EXOC6B: variants seen among roughly 807,000 people sequenced by gnomAD.
The protein encoded by EXOC6B is exocyst complex component 6B.
In EXOC6B, 54 loss-of-function variants were observed where a neutral mutation model predicts 113.5. The observed-to-expected ratio is 0.48, with a 90% CI of 0.38 to 0.60. EXOC6B has a LOEUF of 0.60. Among genes scored for constraint, EXOC6B ranks in the 20% least tolerant of loss-of-function variants. The pLI, the probability that EXOC6B is intolerant of heterozygous loss-of-function variation, is 0.00. For missense variants in EXOC6B, 797 were observed against 977.5 expected (o/e 0.82, Z 2.46); for synonymous variants, 357 against 339.0 (o/e 1.05, Z -0.58).
chr2:72,414,986 C>T (rs1340932494), intron 18 of EXOC6B, among the ~76,000 whole-genome samples: 1 of 151,944 alleles, frequency 6.6e-6, no homozygotes, highest in East Asian at 1.9e-4. Flanking sequence ...AAGACTGTGC[C>T]CACTGAGTTG....
At chr2:72,653,075 T>C (rs1301838815) in intron 6 of EXOC6B, among the ~76,000 whole-genome samples, 3 of 151,972 alleles carry the variant, frequency 2.0e-5, no homozygotes, top group East Asian at 1.9e-4. Flanking sequence ...GAAAATACTA[T>C]AAATCATGCT....
chr2:72,455,253 T>C (rs1039573210), intron 18 of EXOC6B, among the ~76,000 whole-genome samples: 18 of 152,166 alleles, frequency 1.2e-4, no homozygotes, highest in African/African-American at 4.3e-4. Flanking sequence ...TGACAGAATT[T>C]CCACATAAGG....
chr2:72,714,593 G>T (rs1290501637), intron 6 of EXOC6B, among the ~76,000 whole-genome samples: 1 of 151,936 alleles, frequency 6.6e-6, no homozygotes, highest in Non-Finnish European at 1.5e-5. Context: ...AACACATACA[G>T]ATCTTAAACA....
chr2:72,214,958 GA>G (rs1680429174), intron 20 of EXOC6B, among the ~76,000 whole-genome samples: 1 of 152,180 alleles, frequency 6.6e-6, no homozygotes, highest in Non-Finnish European at 1.5e-5. Context: ...TTTTAGGGAG[GA>G]AATGCAGCAA....
At chr2:72,386,148 C>CTA (rs1213429089) in intron 18 of EXOC6B, among the ~76,000 whole-genome samples, 68 of 151,510 alleles carry the variant, frequency 4.5e-4, no homozygotes, top group African/African-American at 1.5e-3. Context: ...AAAAAATCTG[C>CTA]TATATATATA....
At chr2:72,375,593 T>C (rs1691307642) in intron 19 of EXOC6B, among the ~76,000 whole-genome samples, 5 of 152,070 alleles carry the variant, frequency 3.3e-5, no homozygotes, top group Admixed American at 3.3e-4. Flanking sequence ...ACAAAAGTAA[T>C]TTGAAAATAC....
intron 11 of EXOC6B, 114 bp from the exon 12 acceptor site, chr2:72,500,086 T>G: frequency 1.4e-6 from 1 of 701,558 alleles, no homozygotes; most frequent in Non-Finnish European, 2.5e-6. Context: ...ACCTGGTAAA[T>G]TCTTTCCCTA....
intron 1 of EXOC6B, among the ~76,000 whole-genome samples, chr2:72,762,255 A>AG (rs888329365): frequency 6.6e-6 from 1 of 151,606 alleles, no homozygotes; most frequent in Non-Finnish European, 1.5e-5. Context: ...AAAAAAAAAA[A>AG]AAAGAAAAGA....
chr2:72,571,931 G>GA (rs1308465193), intron 7 of EXOC6B, among the ~76,000 whole-genome samples: 4 of 151,750 alleles, frequency 2.6e-5, no homozygotes, highest in Non-Finnish European at 5.9e-5. Flanking sequence ...GTTATTCAAT[G>GA]AAAAAAATGT....
chr2:72,387,605 A>C (rs1231750761), intron 18 of EXOC6B, among the ~76,000 whole-genome samples: 2 of 152,138 alleles, frequency 1.3e-5, no homozygotes, highest in African/African-American at 2.4e-5. Flanking sequence ...AATTTAACCA[A>C]GTCACCTACA....
chr2:72,680,052 A>G (rs950531708), intron 6 of EXOC6B, among the ~76,000 whole-genome samples: 1 of 152,352 alleles, frequency 6.6e-6, no homozygotes, highest in East Asian at 1.9e-4. Flanking sequence ...CATTATCTCT[A>G]TAATGAATTC....
intron 20 of EXOC6B, among the ~76,000 whole-genome samples, chr2:72,326,010 C>T (rs1688106004): frequency 6.6e-6 from 1 of 152,016 alleles, no homozygotes; most frequent in Admixed American, 6.6e-5. Context: ...CAATCTGGAC[C>T]TTTGGTGTCA....
chr2:72,646,869 C>T (rs925645742), intron 6 of EXOC6B, among the ~76,000 whole-genome samples: 9 of 152,184 alleles, frequency 5.9e-5, no homozygotes, highest in African/African-American at 2.2e-4. Flanking sequence ...AAACTGGAAG[C>T]ATTCCCTTTG....
At chr2:72,563,734 T>C (rs1460206038) in intron 7 of EXOC6B, among the ~76,000 whole-genome samples, 1 of 152,152 alleles carries the variant, frequency 6.6e-6, no homozygotes, top group African/African-American at 2.4e-5. Context: ...CGCCAGGATG[T>C]GACTTTTAGG....
At chr2:72,700,010 C>T (rs1245772933) in intron 6 of EXOC6B, among the ~76,000 whole-genome samples, 1 of 152,154 alleles carries the variant, frequency 6.6e-6, no homozygotes, top group Non-Finnish European at 1.5e-5. Flanking sequence ...AACCTATGTA[C>T]ATCCTCCTTT....
chr2:72,398,164 C>A (rs1050808788), intron 18 of EXOC6B, among the ~76,000 whole-genome samples: 18 of 152,206 alleles, frequency 1.2e-4, no homozygotes, highest in African/African-American at 3.9e-4. Context: ...GAATGCCTGA[C>A]TACAACAAAA....
chr2:72,366,321 A>G (rs1347122182), intron 19 of EXOC6B, among the ~76,000 whole-genome samples: 2 of 152,082 alleles, frequency 1.3e-5, no homozygotes. Flanking sequence ...ATTGAAATAG[A>G]TAAACAGCAG....
chr2:72,750,958 A>G (rs1681997037), intron 1 of EXOC6B, among the ~76,000 whole-genome samples: 1 of 152,182 alleles, frequency 6.6e-6, no homozygotes, highest in Non-Finnish European at 1.5e-5. Flanking sequence ...AAACACAAAT[A>G]GCAAAATCAG....
At chr2:72,376,842 C>T (rs543018043) in intron 19 of EXOC6B, among the ~76,000 whole-genome samples, 1 of 151,768 alleles carries the variant, frequency 6.6e-6, no homozygotes, top group Admixed American at 6.6e-5. Flanking sequence ...TGCTTGAGAG[C>T]GTGGAATTGT....
Sources: gnomAD v4.1 joint callset for allele counts (sites outside exome capture counted in the v4.1 genomes callset) on GRCh38, gnomAD v4.1.1 for gene constraint, MANE v1.5 for transcripts, NCBI Gene and HGNC (gene_info 2026-07-23, HGNC 2026-07-21) for gene names.